MAGI1: variants seen among roughly 807,000 people sequenced by gnomAD.
MAGI1 encodes membrane associated guanylate kinase, WW and PDZ domain containing 1.
In MAGI1, 58 loss-of-function variants were observed where a neutral mutation model predicts 139.9. That is an observed-to-expected ratio of 0.41 (90% CI 0.34 to 0.52). The LOEUF (loss-of-function observed/expected upper bound fraction) is 0.52, where lower values mean the gene tolerates loss of function less well. Among genes scored for constraint, MAGI1 ranks in the 20% least tolerant of loss-of-function variants. The pLI is 0.12. For synonymous variants in MAGI1, 812 were observed against 737.9 expected, an observed-to-expected ratio of 1.10 and a Z score of -1.63; for missense variants, 1,874 against 1,901.6, an observed-to-expected ratio of 0.99 and a Z score of 0.27.
intron 1 of MAGI1, among the ~76,000 whole-genome samples, chr3:65,689,471 G>A (rs2088377431): frequency 6.7e-6 from 1 of 149,536 alleles, no homozygotes; most frequent in South Asian, 2.3e-4. Flanking sequence ...ATGACCCAAA[G>A]TAAATAAAAA....
chr3:65,775,855 T>C (rs534924224), intron 1 of MAGI1, among the ~76,000 whole-genome samples: 1 of 151,370 alleles, frequency 6.6e-6, no homozygotes, highest in African/African-American at 2.4e-5. Flanking sequence ...AGTGGGAGGA[T>C]CACCTGAACC....
intron 1 of MAGI1, among the ~76,000 whole-genome samples, chr3:65,867,721 CCAG>C (rs1173470848): frequency 6.6e-6 from 1 of 152,004 alleles, no homozygotes; most frequent in African/African-American, 2.4e-5. Context: ...CCACTGCACT[CCAG>C]CCTTAGCAAC....
chr3:66,021,866 T>C (rs1367255084), intron 1 of MAGI1, among the ~76,000 whole-genome samples: 15 of 152,162 alleles, frequency 9.9e-5, no homozygotes, highest in Non-Finnish European at 8.8e-5. Flanking sequence ...CAGGTAATTC[T>C]GATATACTTT....
chr3:65,852,043 C>CTGGA (rs1200467454), intron 1 of MAGI1, among the ~76,000 whole-genome samples: 1 of 152,134 alleles, frequency 6.6e-6, no homozygotes, highest in Non-Finnish European at 1.5e-5. Flanking sequence ...ATACATTGAG[C>CTGGA]TGGAAGTGGG....
At chr3:65,527,057 C>T (rs1431866674) in intron 2 of MAGI1, among the ~76,000 whole-genome samples, 2 of 152,232 alleles carry the variant, frequency 1.3e-5, no homozygotes, top group African/African-American at 4.8e-5. Flanking sequence ...ATTCACGTAT[C>T]TTCTCTTCTT....
At chr3:65,510,288 A>G (rs1460617972) in intron 2 of MAGI1, among the ~76,000 whole-genome samples, 1 of 152,232 alleles carries the variant, frequency 6.6e-6, no homozygotes, top group Non-Finnish European at 1.5e-5. Flanking sequence ...CCAGCAACGG[A>G]ACAAAGCTGG....
chr3:65,943,086 T>C (rs922582453), intron 1 of MAGI1, among the ~76,000 whole-genome samples: 2 of 152,240 alleles, frequency 1.3e-5, no homozygotes, highest in Admixed American at 1.3e-4. Flanking sequence ...ATATAAGTGC[T>C]TGTTAAACAA....
At chr3:66,014,142 A>G (rs1391811315) in intron 1 of MAGI1, among the ~76,000 whole-genome samples, 1 of 152,144 alleles carries the variant, frequency 6.6e-6, no homozygotes, top group South Asian at 2.1e-4. Flanking sequence ...GTAAACACAT[A>G]ATTCACCATC....
intron 1 of MAGI1, among the ~76,000 whole-genome samples, chr3:65,923,192 G>C (rs1457803697): frequency 6.7e-6 from 1 of 150,332 alleles, no homozygotes; most frequent in Non-Finnish European, 1.5e-5. Context: ...ACCCGTCCAT[G>C]CATGCACATG....
chr3:65,817,995 A>G (rs2041714077), intron 1 of MAGI1, among the ~76,000 whole-genome samples: 1 of 152,198 alleles, frequency 6.6e-6, no homozygotes, highest in African/African-American at 2.4e-5. Context: ...GAAAGCCAAA[A>G]GACATAATGC....
intron 2 of MAGI1, among the ~76,000 whole-genome samples, chr3:65,525,925 T>C (rs763365039): frequency 2.6e-5 from 4 of 152,194 alleles, no homozygotes; most frequent in Non-Finnish European, 5.9e-5. Flanking sequence ...AATTGCTTAC[T>C]TTGCTGGGGA....
intron 1 of MAGI1, among the ~76,000 whole-genome samples, chr3:65,936,392 C>G (rs192678391): frequency 1.2e-3 from 185 of 152,166 alleles, no homozygotes; most frequent in African/African-American, 4.2e-3. Context: ...AATCCCAGCA[C>G]TTTGGGAGGC....
chr3:65,361,888 G>A (rs928011216), intron 21 of MAGI1, among the ~76,000 whole-genome samples: 3 of 152,326 alleles, frequency 2.0e-5, no homozygotes, highest in South Asian at 2.1e-4. Flanking sequence ...TAACAACCAC[G>A]TGAGTGAGCT....
chr3:66,017,564 C>T (rs2067720845), intron 1 of MAGI1, among the ~76,000 whole-genome samples: 1 of 152,234 alleles, frequency 6.6e-6, no homozygotes. Flanking sequence ...ACCTAATCTG[C>T]TGTCACCTAA....
chr3:65,950,710 C>T (rs183182971), intron 1 of MAGI1, among the ~76,000 whole-genome samples: 181 of 152,072 alleles, frequency 1.2e-3, no homozygotes, highest in Non-Finnish European at 2.0e-3. Flanking sequence ...AAAATGCTAC[C>T]CCCCACTGGT....
chr3:65,875,809 C>T (rs72911086), intron 1 of MAGI1, among the ~76,000 whole-genome samples: 43 of 152,318 alleles, frequency 2.8e-4, no homozygotes, highest in African/African-American at 1.0e-3. Context: ...CACGCCACTG[C>T]TGTTCCTGTC....
chr3:65,453,375 G>GAA (rs370264784), intron 5 of MAGI1, 35 bp from the exon 6 acceptor site: 1,136 of 836,378 alleles, frequency 1.4e-3, no homozygotes, highest in Middle Eastern at 1.9e-3. Context: ...AAATTTGTTT[G>GAA]AAAAAAAAAA....
At chr3:65,951,933 T>C (rs1298279370) in intron 1 of MAGI1, among the ~76,000 whole-genome samples, 2 of 152,316 alleles carry the variant, frequency 1.3e-5, no homozygotes, top group East Asian at 3.9e-4. Context: ...AATAAATAAA[T>C]AATGGTGAAT....
At chr3:65,509,996 C>A (rs913564128) in intron 2 of MAGI1, among the ~76,000 whole-genome samples, 8 of 152,268 alleles carry the variant, frequency 5.3e-5, no homozygotes, top group African/African-American at 1.9e-4. Flanking sequence ...GTCCCTGACC[C>A]CTGACCCCCG....
Sources: gnomAD v4.1 joint callset for allele counts (sites outside exome capture counted in the v4.1 genomes callset) on GRCh38, gnomAD v4.1.1 for gene constraint, MANE v1.5 for transcripts, NCBI Gene and HGNC (gene_info 2026-07-23, HGNC 2026-07-21) for gene names.